Variants in CSMD2 observed in about 807,000 individuals in gnomAD.
The protein encoded by CSMD2 is CUB and sushi domain-containing protein 2.
A neutral mutation model predicts 398.5 loss-of-function variants in CSMD2; 130 were observed. The observed-to-expected ratio is 0.33, with a 90% confidence interval of 0.28 to 0.38. The LOEUF is 0.38. Ranked by LOEUF, CSMD2 falls within the 10% of genes least tolerant of loss-of-function variation. The pLI, the probability that CSMD2 is intolerant of heterozygous loss-of-function variation, is 1.00. For missense variants in CSMD2, 3,829 were observed against 4,764.9 expected, an observed-to-expected ratio of 0.80 and a Z score of 5.78; for synonymous variants, 1,828 against 1,908.5, an observed-to-expected ratio of 0.96 and a Z score of 1.10.
intron 2 of CSMD2, among the ~76,000 whole-genome samples, chr1:34,064,561 T>C (rs1654896017): frequency 6.6e-6 from 1 of 152,174 alleles, no homozygotes; most frequent in Admixed American, 6.5e-5. Flanking sequence ...CTACTGTTCA[T>C]ATCACTGTCA....
At chr1:34,066,534 A>C (rs1418204099) in intron 2 of CSMD2, among the ~76,000 whole-genome samples, 1 of 152,160 alleles carries the variant, frequency 6.6e-6, no homozygotes, top group Admixed American at 6.5e-5. Flanking sequence ...GATGCCATGA[A>C]GCTCGAGCTG....
chr1:34,002,467 A>G (rs1183879600), intron 3 of CSMD2, among the ~76,000 whole-genome samples: 3 of 152,246 alleles, frequency 2.0e-5, no homozygotes, highest in African/African-American at 7.2e-5. Context: ...TCTCACCTGT[A>G]AAATGGGCAC....
chr1:34,139,527 T>G (rs1016364198), intron 1 of CSMD2, among the ~76,000 whole-genome samples: 1 of 152,242 alleles, frequency 6.6e-6, no homozygotes, highest in African/African-American at 2.4e-5. Context: ...AACAGAAAGT[T>G]TGTGGCAATT....
Position 33,743,281 on chromosome 1 carries a change from G to A in CSMD2, c.2172C>T (p.Thr724=). The change falls in exon 14 of 71, where the codon ACC becomes ACT. Residue 724 remains threonine (T), a splice_region_variant and synonymous_variant. Coordinates refer to ENST00000373381, the MANE Select transcript of CSMD2 (RefSeq NM_001281956.2). Reference sequence around the variant, plus strand: ...GCTGGTGACAGAGGGAGGACTCACTGGTAAAAGTGATGTTGAAGCCCCTCT... The same window carrying A: ...GCTGGTGACAGAGGGAGGACTCACTAGTAAAAGTGATGTTGAAGCCCCTCT... ...TGKRGFNITF[T]TFRHNECPDP... is the part of the protein sequence containing the mutation. 4.4e-6 allele frequency: 7 copies of A among 1,596,602 alleles called. No homozygotes were observed. The highest frequency in any genetic ancestry group is 6.0e-6 in the Non-Finnish European group (7 of 1,169,458).
intron 3 of CSMD2, among the ~76,000 whole-genome samples, chr1:33,951,995 C>T (rs1054106900): frequency 1.3e-5 from 2 of 152,190 alleles, no homozygotes; most frequent in African/African-American, 2.4e-5. Context: ...TCTGGGAAGA[C>T]ATCCCCCTCT....
intron 2 of CSMD2, among the ~76,000 whole-genome samples, chr1:34,039,033 A>G (rs1651515653): frequency 1.3e-5 from 2 of 152,128 alleles, no homozygotes; most frequent in Admixed American, 1.3e-4. Context: ...CTCATCATTC[A>G]AATCTTATCA....
At chr1:33,684,931 T>C (rs1021155797) in intron 25 of CSMD2, among the ~76,000 whole-genome samples, 1 of 152,252 alleles carries the variant, frequency 6.6e-6, no homozygotes, top group Non-Finnish European at 1.5e-5. Context: ...GGATGATCTG[T>C]GCTTCATTTC....
intron 46 of CSMD2, among the ~76,000 whole-genome samples, chr1:33,584,317 G>A (rs1359001095): frequency 6.6e-6 from 1 of 152,158 alleles, no homozygotes; most frequent in Non-Finnish European, 1.5e-5. Flanking sequence ...TCTGTGTGAT[G>A]GCTTCTCTAT....
intron 45 of CSMD2, 117 bp from the exon 46 acceptor site, chr1:33,586,734 C>T (rs1369555253): frequency 4.5e-6 from 3 of 672,792 alleles, no homozygotes; most frequent in Non-Finnish European, 8.1e-6. Flanking sequence ...ACTTAAATAA[C>T]TAGCTCAGCT....
chr1:33,644,962 G>A (rs1188823893), intron 29 of CSMD2, among the ~76,000 whole-genome samples: 7 of 152,164 alleles, frequency 4.6e-5, no homozygotes, highest in Admixed American at 2.0e-4. Context: ...CAGTCTTCTA[G>A]AACTGTACCC....
chr1:33,610,545 T>A (rs72890861), intron 41 of CSMD2, among the ~76,000 whole-genome samples: 1,568 of 152,256 alleles, frequency 0.01, 22 homozygotes, highest in African/African-American at 0.035. Flanking sequence ...GGTGGAGCTG[T>A]GGTGAGTGTG....
At position 33,537,389 on chromosome 1, in the gene CSMD2, T is replaced by TC; in HGVS notation, c.9805+46dup. The TC allele has an allele frequency of 6.4e-7, 1 of 1,561,308 alleles. No homozygotes were observed. Among genetic ancestry groups the TC allele is most frequent in the Non-Finnish European group, 8.7e-7 (1 of 1,152,794 alleles). On this transcript the variant is annotated intron_variant, in intron 61 of 70. Coordinates refer to ENST00000373381, the MANE Select transcript of CSMD2 (RefSeq NM_001281956.2). The surrounding 1 kb of genome is among the most constrained non-coding windows in gnomAD (Gnocchi z 4.6). The stretch of plus-strand genomic sequence containing the variant: ...ATCATCTCAGGCCCAAAAGAAGGTC[T>TC]CCCGCAACCCCAGCCAAGACGCTCC...
chr1:33,685,938 G>A (rs1234497096), intron 25 of CSMD2, among the ~76,000 whole-genome samples: 2 of 152,184 alleles, frequency 1.3e-5, no homozygotes, highest in Admixed American at 6.5e-5. Flanking sequence ...GGTAATCATT[G>A]CATATTTTGT....
intron 1 of CSMD2, among the ~76,000 whole-genome samples, chr1:34,119,441 ACTT>A (rs1191037132): frequency 1.3e-5 from 2 of 152,186 alleles, no homozygotes; most frequent in African/African-American, 2.4e-5. Flanking sequence ...AAACTTAAGA[ACTT>A]CTGTGCAGCA....
At chr1:33,810,601 G>C in intron 10 of CSMD2, 142 bp downstream of exon 10, 2 of 728,498 alleles carry the variant, frequency 2.7e-6, no homozygotes, top group Middle Eastern at 4.2e-4. Context: ...TTATCCACTC[G>C]ATATTAATAA....
chr1:34,082,149 G>A (rs1378652555), intron 2 of CSMD2, among the ~76,000 whole-genome samples: 35 of 149,962 alleles, frequency 2.3e-4, no homozygotes, highest in East Asian at 1.4e-3. Context: ...GATGTGAGGA[G>A]CACCTCTGCC....
At chr1:34,088,684 A>C (rs1396735269) in intron 2 of CSMD2, among the ~76,000 whole-genome samples, 1 of 152,228 alleles carries the variant, frequency 6.6e-6, no homozygotes, top group Non-Finnish European at 1.5e-5. Flanking sequence ...GTGTGTACAA[A>C]TAATACACCC....
At chr1:34,081,671 C>T (rs1256928291) in intron 2 of CSMD2, among the ~76,000 whole-genome samples, 1 of 152,230 alleles carries the variant, frequency 6.6e-6, no homozygotes, top group Admixed American at 6.5e-5. Context: ...CTGCCCGCCT[C>T]GGCCTCCCGA....
intron 3 of CSMD2, among the ~76,000 whole-genome samples, chr1:34,021,475 C>G (rs919080079): frequency 7.9e-5 from 12 of 152,146 alleles, no homozygotes; most frequent in Non-Finnish European, 1.2e-4. Flanking sequence ...TCTTCGGTAC[C>G]AAGGGATCCA....
Sources: gnomAD v4.1 joint callset for allele counts (sites outside exome capture counted in the v4.1 genomes callset) on GRCh38, gnomAD v4.1.1 for gene constraint, Gnocchi (gnomAD v3.1) non-coding constraint, MANE v1.5 for transcripts, NCBI Gene and HGNC (gene_info 2026-07-23, HGNC 2026-07-21) for gene names.